EED: variants seen among roughly 807,000 people sequenced by gnomAD.
EED encodes embryonic ectoderm development, also known as polycomb protein EED.
In EED, 9 loss-of-function variants were observed where a neutral mutation model predicts 61.0. The ratio of observed to expected loss-of-function variants is 0.15; its 90% CI spans 0.09 to 0.26. The LOEUF is 0.26. Ranked by LOEUF, EED falls within the 10% of genes least tolerant of loss-of-function variation. The pLI is 1.00. For missense variants in EED, 315 were observed against 542.3 expected (o/e 0.58, Z 4.16); for synonymous variants, 187 against 174.4 (o/e 1.07, Z -0.57).
chr11:86,284,653 C>T, the EED span: 1 of 152,236 alleles, frequency 6.6e-6, no homozygotes, highest in African/African-American at 2.4e-5. Flanking sequence ...GATTTCAGAA[C>T]AAAGTATTCC....
chr11:86,254,754 C>T (rs911770506), intron 3 of EED, among the ~76,000 whole-genome samples: 1 of 151,014 alleles, frequency 6.6e-6, no homozygotes, highest in African/African-American at 2.5e-5. Flanking sequence ...TCCTGAGTAG[C>T]TGGGATTACG....
chr11:86,250,503 T>C (rs1945502097), intron 2 of EED, 55 bp downstream of exon 2: 2 of 1,451,002 alleles, frequency 1.4e-6, no homozygotes, highest in African/African-American at 2.9e-5. Context: ...AAATTATTTC[T>C]CTGTGGCACG....
chr11:86,257,219 A>G (rs1331285841), intron 5 of EED, among the ~76,000 whole-genome samples: 1 of 134,362 alleles, frequency 7.4e-6, no homozygotes, highest in African/African-American at 3.0e-5. Flanking sequence ...GTGTGTGTGT[A>G]TGAAGATAGG....
intron 5 of EED, 116 bp from the exon 6 acceptor site, chr11:86,257,399 C>A: frequency 3.4e-6 from 2 of 590,020 alleles, no homozygotes; most frequent in Non-Finnish European, 2.5e-6. Context: ...TAGTATGCAG[C>A]CAAGGTTGAG....
At chr11:86,283,317 G>A (rs1946344318), downstream of EED, among the ~76,000 whole-genome samples, 1 of 152,046 alleles carries the variant, frequency 6.6e-6, no homozygotes, top group South Asian at 2.1e-4. Flanking sequence ...TTTAGATATT[G>A]CAATTTTCAG....
intron 6 of EED, among the ~76,000 whole-genome samples, chr11:86,262,921 C>T (rs1246641639): frequency 6.6e-6 from 1 of 151,720 alleles, no homozygotes; most frequent in Non-Finnish European, 1.5e-5. Flanking sequence ...AATTGATCCT[C>T]TTGCCTCAGT....
At chr11:86,246,863 A>G (rs186774535) in intron 1 of EED, among the ~76,000 whole-genome samples, 1 of 152,328 alleles carries the variant, frequency 6.6e-6, no homozygotes, top group East Asian at 1.9e-4. Flanking sequence ...CTTAAAAATG[A>G]GGATGGTGGT....
the EED span, among the ~76,000 whole-genome samples, chr11:86,286,416 T>C: frequency 3.9e-5 from 6 of 152,170 alleles, no homozygotes; most frequent in African/African-American, 1.2e-4. Flanking sequence ...AAGAGGTGGC[T>C]TTGAGTATAT....
At chr11:86,259,193 C>T (rs1417290854) in intron 6 of EED, among the ~76,000 whole-genome samples, 1 of 149,148 alleles carries the variant, frequency 6.7e-6, no homozygotes, top group Non-Finnish European at 1.5e-5. Context: ...TAACCCTGGT[C>T]TTCCTCTATT....
At chr11:86,280,713 A>T (rs555367264), downstream of EED, among the ~76,000 whole-genome samples, 4 of 152,364 alleles carry the variant, frequency 2.6e-5, no homozygotes, top group African/African-American at 9.6e-5. Context: ...AGAATGAGCA[A>T]ATTGGGCTAA....
At position 86,245,150 on chromosome 11, in the gene EED, G is replaced by C; in HGVS notation, c.-80G>C. The C allele has an allele frequency of 8.2e-7, 1 of 1,222,690 alleles. No individual in the cohort carries two copies. The highest frequency in any genetic ancestry group is 1.2e-6 in the Non-Finnish European group (1 of 867,256). 75.7% of individuals were successfully genotyped at this position (1,222,690 alleles called of 1,614,324 possible). On this transcript the variant is annotated 5_prime_UTR_variant, in exon 1 of 12. Transcript: ENST00000263360. Reference sequence around the variant, plus strand: ...GGCGGCAGCGGCAACTTTGCGGCAAGCTCGGGCCGGGCTTGCTTGACGGCG... The same window carrying C: ...GGCGGCAGCGGCAACTTTGCGGCAACCTCGGGCCGGGCTTGCTTGACGGCG...
chr11:86,281,001 T>G (rs1946317147), downstream of EED, among the ~76,000 whole-genome samples: 2 of 152,250 alleles, frequency 1.3e-5, no homozygotes, highest in Non-Finnish European at 1.5e-5. Context: ...CATCCTTGCA[T>G]CCCAGGGATA....
chr11:86,284,348 TTCA>T, the EED span: 1 of 152,238 alleles, frequency 6.6e-6, no homozygotes, highest in African/African-American at 2.4e-5. Context: ...CCAGTAATCA[TTCA>T]TCAAGAGTTT....
downstream of EED, among the ~76,000 whole-genome samples, chr11:86,283,128 A>G (rs948764601): frequency 6.6e-6 from 1 of 152,216 alleles, no homozygotes; most frequent in Admixed American, 6.5e-5. Context: ...AGTGGATACT[A>G]GTTATTAAAG....
At chr11:86,286,440 A>G in the EED span, among the ~76,000 whole-genome samples, 1 of 152,216 alleles carries the variant, frequency 6.6e-6, no homozygotes, top group Non-Finnish European at 1.5e-5. Flanking sequence ...CTACTACAAA[A>G]TACTGGAAAA....
intron 9 of EED, chr11:86,269,959 G>A (rs1431435152): frequency 7.0e-6 from 4 of 568,662 alleles, no homozygotes; most frequent in Non-Finnish European, 1.3e-5. Flanking sequence ...CTAATCAGCA[G>A]TTGTGTCCAG....
At chr11:86,269,879 T>A (rs772236188) in intron 9 of EED, among the ~76,000 whole-genome samples, 10 of 152,214 alleles carry the variant, frequency 6.6e-5, no homozygotes, top group Non-Finnish European at 1.5e-4. Flanking sequence ...TGGATTACCA[T>A]AGTTTATGTA....
At position 86,255,180 on chromosome 11, in the gene EED, C is replaced by G. The variant is rs767179994; in HGVS notation, c.361-42C>G. 5 of 1,484,374 alleles carry G rather than the reference C, an allele frequency of 3.4e-6. No individual in the cohort carries two copies. In the South Asian group the frequency reaches 5.9e-5, roughly 17 times the overall value. The allele number at this position is 1,484,374 out of a possible 1,614,324, so 92.0% of individuals were successfully genotyped here. On this transcript the variant is annotated intron_variant, in intron 3 of 11. Coordinates refer to ENST00000263360, the MANE Select transcript of EED (RefSeq NM_003797.5). ...TTAAAAGTTGGAGAGAGTATGTTTT[C>G]TATACTTGAGATGAAATTTACTGTA...
downstream of EED, among the ~76,000 whole-genome samples, chr11:86,280,120 T>C (rs1164230254): frequency 6.6e-6 from 1 of 152,170 alleles, no homozygotes; most frequent in Non-Finnish European, 1.5e-5. Flanking sequence ...ACAGTCTCAC[T>C]CTGTTGCCCA....
Sources: gnomAD v4.1 joint callset for allele counts (sites outside exome capture counted in the v4.1 genomes callset) on GRCh38, gnomAD v4.1.1 for gene constraint, MANE v1.5 for transcripts, NCBI Gene and HGNC (gene_info 2026-07-23, HGNC 2026-07-21) for gene names.